AHRR: variants seen among roughly 807,000 people sequenced by gnomAD.
AHRR encodes the protein ahR repressor.
In AHRR, 28 loss-of-function variants were observed where a neutral mutation model predicts 44.0. The ratio of observed to expected loss-of-function variants is 0.64; its 90% confidence interval spans 0.47 to 0.87. The LOEUF is 0.87. AHRR is among the 40% of genes least tolerant of loss of function. The pLI is 0.00. For missense variants in AHRR, 990 were observed against 953.9 expected (o/e 1.04, Z -0.50); for synonymous variants, 434 against 407.0 (o/e 1.07, Z -0.80).
At chr5:354,801 G>A (rs758645343) in intron 3 of AHRR, among the ~76,000 whole-genome samples, 13 of 152,210 alleles carry the variant, frequency 8.5e-5, no homozygotes, top group South Asian at 2.1e-4. Flanking sequence ...GGCGGGGGGC[G>A]TCTGTCTCAG....
At chr5:332,376 T>C (rs1741955491) in intron 1 of AHRR, among the ~76,000 whole-genome samples, 1 of 150,728 alleles carries the variant, frequency 6.6e-6, no homozygotes, top group South Asian at 2.1e-4. Flanking sequence ...CAAGTGATTC[T>C]CCTGCCTCAG....
chr5:421,304 T>G (rs2126530256), intron 5 of AHRR: 1 of 697,230 alleles, frequency 1.4e-6, no homozygotes, highest in East Asian at 2.7e-5. Context: ...GCGCTGCAGG[T>G]GCCCCCACGG....
chr5:323,116 C>T (rs1459547163), intron 1 of AHRR, among the ~76,000 whole-genome samples: 1 of 152,224 alleles, frequency 6.6e-6, no homozygotes, highest in Non-Finnish European at 1.5e-5. Context: ...TGGTCCCCGG[C>T]TGAGCCCCTG....
Position 345,312 on chromosome 5 carries a change from ATGTG to A in AHRR, c.62+1365_62+1368del, listed in dbSNP as rs1232249694. On this transcript the variant is annotated intron_variant, in intron 2 of 10. Transcript: ENST00000684583. ...ATGATGTCCCTGGCTGTGTGTGGGG[ATGTG>A]TGTGTGTGTGTGTGTGGGGATGTGT... Among the ~76,000 whole-genome samples, 24 of 13,908 alleles carry A rather than the reference ATGTG, an allele frequency of 1.7e-3. 1 individual carries two copies. The highest frequency in any genetic ancestry group is 4.2e-3 in the African/African-American group (8 of 1,890). The allele number at this position is 13,908 out of a possible 152,430, so 9.1% of individuals were successfully genotyped here.
chr5:408,182 G>A (rs1037893730), intron 4 of AHRR, among the ~76,000 whole-genome samples: 18 of 152,234 alleles, frequency 1.2e-4, no homozygotes, highest in African/African-American at 4.3e-4. Context: ...AAAAGCAAGT[G>A]GCAGGCCATA....
At position 391,375 on chromosome 5, in the gene AHRR, GGC is replaced by G. The variant is rs1364677616; in HGVS notation, c.351+14662_351+14663del. Reference sequence around the variant, plus strand: ...GCGAGGCAGGGCCAGAGCGTGCATGGGCGCAGGGCGAGGAGGGCGCAGGGCGA... The same window carrying G: ...GCGAGGCAGGGCCAGAGCGTGCATGGGCAGGGCGAGGAGGGCGCAGGGCGA... On this transcript the variant is annotated intron_variant, in intron 4 of 10. Transcript: ENST00000684583. Among the ~76,000 whole-genome samples the G allele has an allele frequency of 1.5e-4, 17 of 116,088 alleles. 1 individual carries two copies. Among genetic ancestry groups the G allele is most frequent in the African/African-American group, 8.0e-4 (17 of 21,334 alleles). The allele number at this position is 116,088 out of a possible 152,430, so 76.2% of individuals were successfully genotyped here.
intron 3 of AHRR, among the ~76,000 whole-genome samples, chr5:361,537 C>G (rs1004469503): frequency 1.3e-5 from 2 of 152,192 alleles, no homozygotes; most frequent in African/African-American, 4.8e-5. Context: ...GCTGTCTCTT[C>G]CTGGATTTCG....
intron 5 of AHRR, among the ~76,000 whole-genome samples, chr5:420,051 G>A (rs1317492819): frequency 1.3e-5 from 2 of 152,202 alleles, no homozygotes; most frequent in African/African-American, 2.4e-5. Context: ...TTGGAAACAC[G>A]AGGTGACGCC....
chr5:394,239 C>T (rs1734606280), intron 4 of AHRR, among the ~76,000 whole-genome samples: 1 of 152,208 alleles, frequency 6.6e-6, no homozygotes, highest in South Asian at 2.1e-4. Flanking sequence ...GTTTTCTCTG[C>T]TCCAGGGCCT....
intron 2 of AHRR, among the ~76,000 whole-genome samples, chr5:347,925 C>G (rs564304440): frequency 2.0e-5 from 3 of 152,234 alleles, no homozygotes; most frequent in African/African-American, 7.2e-5. Flanking sequence ...CTGGTCTGCC[C>G]AGCTCCTCTG....
rs1284837041 is a variant in AHRR, at chr5:337,054, T to C, written c.-10-6839T>C. On this transcript the variant is annotated intron_variant, in intron 1 of 10. Transcript: ENST00000684583. This position sits in a 1 kb window ranked among gnomAD's most constrained non-coding sequence, Gnocchi z 4.1. ...TAATCAATTAGTATCTCTATTCTTA[T>C]GCCACAGTTTCTTTCTTTTTAATGT... 1.3e-5 allele frequency among the ~76,000 whole-genome samples: 2 copies of C among 152,256 alleles called. No individual in the cohort carries two copies. Among genetic ancestry groups the C allele is most frequent in the Non-Finnish European group, 2.9e-5 (2 of 68,046 alleles).
intron 1 of AHRR, among the ~76,000 whole-genome samples, chr5:323,115 G>A (rs1741564404): frequency 6.6e-6 from 1 of 152,208 alleles, no homozygotes; most frequent in Admixed American, 6.5e-5. Flanking sequence ...GTGGTCCCCG[G>A]CTGAGCCCCT....
chr5:378,929 A>T (rs142913572), intron 4 of AHRR, among the ~76,000 whole-genome samples: 58 of 152,322 alleles, frequency 3.8e-4, no homozygotes, highest in African/African-American at 1.3e-3. Flanking sequence ...TTATTTAAAA[A>T]TTTACATACA....
chr5:352,773 G>C (rs1257954681), intron 2 of AHRR, among the ~76,000 whole-genome samples: 5 of 143,694 alleles, frequency 3.5e-5, no homozygotes, highest in Non-Finnish European at 6.1e-5. Flanking sequence ...GATGGTCACT[G>C]TGAGGTTAAA....
intron 2 of AHRR, among the ~76,000 whole-genome samples, chr5:347,964 C>T (rs987872733): frequency 1.3e-5 from 2 of 152,160 alleles, no homozygotes; most frequent in African/African-American, 4.8e-5. Context: ...CTGTGTGTGC[C>T]CTAAATTTTG....
chr5:325,191 A>ACCC (rs1409904087), intron 1 of AHRR, among the ~76,000 whole-genome samples: 2 of 151,460 alleles, frequency 1.3e-5, no homozygotes, highest in Admixed American at 1.3e-4. Flanking sequence ...CTGTCCCACC[A>ACCC]CCCCCCGACC....
intron 4 of AHRR, among the ~76,000 whole-genome samples, chr5:410,735 T>C (rs1735438157): frequency 6.6e-6 from 1 of 152,188 alleles, no homozygotes; most frequent in Admixed American, 6.5e-5. Flanking sequence ...CATCTTTTAT[T>C]AGATTTATTC....
rs929699933 is a variant in AHRR, at chr5:388,876, T to C, written c.351+12160T>C. On this transcript the variant is annotated intron_variant, in intron 4 of 10. Transcript: ENST00000684583. This position sits in a 1 kb window ranked among gnomAD's most constrained non-coding sequence, Gnocchi z 5.2. ...CAGATGCCTGAGGACACAATGCTCA[T>C]GACAAAAGCAGCAGGTGCGGAGGGT... Among the ~76,000 whole-genome samples the C allele has an allele frequency of 6.6e-6, 1 of 152,062 alleles. No individual in the cohort carries two copies. The highest frequency in any genetic ancestry group is 2.1e-4 in the South Asian group (1 of 4,826).
Position 432,886 on chromosome 5 carries a change from G to A in AHRR, c.1051G>A (p.Ala351Thr). 1 of 1,613,670 alleles carries A rather than the reference G, an allele frequency of 6.2e-7. No individual in the cohort carries two copies. The highest frequency in any genetic ancestry group is 8.5e-7 in the Non-Finnish European group (1 of 1,180,010). ...AGRWAQVPAR[A>T]PCLCLRGGPD... Reference sequence around the variant, plus strand: ...CCGATGGGCACAGGTTCCCGCCAGGGCCCCATGCCTGTGCCTCCGGGGTGG... The same window carrying A: ...CCGATGGGCACAGGTTCCCGCCAGGACCCCATGCCTGTGCCTCCGGGGTGG... Residue 351 changes from alanine (A) to threonine (T), a missense_variant, in exon 10 of 11, where the codon GCC becomes ACC. By Grantham distance (58) the Ala-to-Thr change is moderately conservative (BLOSUM62 0). Coordinates refer to ENST00000684583, the MANE Select transcript of AHRR (RefSeq NM_001377236.1).
Sources: allele counts gnomAD v4.1 joint callset (sites outside exome capture counted in the v4.1 genomes callset), GRCh38; gene constraint gnomAD v4.1.1; non-coding constraint Gnocchi (gnomAD v3.1); transcripts MANE v1.5; gene names NCBI Gene and HGNC (gene_info 2026-07-23, HGNC 2026-07-21).